Variants in MYO5B observed in about 807,000 individuals in gnomAD.
MYO5B encodes the protein unconventional myosin-Vb.
MYO5B carries 143 observed loss-of-function variants against 229.3 expected under a neutral mutation model. The ratio of observed to expected loss-of-function variants is 0.62; its 90% CI spans 0.54 to 0.72. The LOEUF (loss-of-function observed/expected upper bound fraction) is 0.72. Among genes scored for constraint, MYO5B ranks in the 30% least tolerant of loss-of-function variants. The pLI is 0.00. For synonymous variants in MYO5B, 918 were observed against 885.2 expected (o/e 1.04, Z -0.66); for missense variants, 2,321 against 2,331.0 (o/e 1.00, Z 0.09).
At chr18:50,066,043 G>C (rs1281953272) in intron 1 of MYO5B, among the ~76,000 whole-genome samples, 1 of 152,064 alleles carries the variant, frequency 6.6e-6, no homozygotes, top group Admixed American at 6.6e-5. Flanking sequence ...AGGTTCTTGG[G>C]GGTCACATTA....
intron 10 of MYO5B, among the ~76,000 whole-genome samples, chr18:49,965,455 T>TCACACACACACACACACACACA (rs57101973): frequency 2.9e-4 from 42 of 147,212 alleles, no homozygotes; most frequent in African/African-American, 1.0e-3. Context: ...ACACTTCTTT[T>TCACACACACACACACACACACA]CACACACACA....
At chr18:49,867,299 G>A (rs1281621021) in intron 27 of MYO5B, among the ~76,000 whole-genome samples, 2 of 152,226 alleles carry the variant, frequency 1.3e-5, no homozygotes, top group African/African-American at 4.8e-5. Context: ...AAGTCTAGAT[G>A]CTTGGGTGAC....
intron 1 of MYO5B, among the ~76,000 whole-genome samples, chr18:50,104,730 C>G (rs16951535): frequency 0.038 from 5,737 of 152,264 alleles, 359 homozygotes; most frequent in African/African-American, 0.13. Flanking sequence ...AGCCTTTTCC[C>G]TAAGTTTGAA....
At chr18:50,042,520 C>A (rs2030050540) in intron 2 of MYO5B, among the ~76,000 whole-genome samples, 2 of 151,994 alleles carry the variant, frequency 1.3e-5, no homozygotes, top group South Asian at 2.1e-4. Context: ...ATACAGGAAA[C>A]CAGTGAACAA....
intron 1 of MYO5B, among the ~76,000 whole-genome samples, chr18:50,161,601 A>T (rs2032767742): frequency 6.6e-6 from 1 of 152,226 alleles, no homozygotes; most frequent in African/African-American, 2.4e-5. Context: ...GACAACATGC[A>T]GCCCGACCCT....
chr18:50,043,292 T>C (rs1433432586), intron 2 of MYO5B, among the ~76,000 whole-genome samples: 2 of 82,784 alleles, frequency 2.4e-5, no homozygotes, highest in African/African-American at 9.6e-5. Context: ...ATTTATATAT[T>C]ATATATAATA....
chr18:49,907,477 G>A (rs2024912377), intron 18 of MYO5B, among the ~76,000 whole-genome samples: 1 of 152,210 alleles, frequency 6.6e-6, no homozygotes, highest in African/African-American at 2.4e-5. Flanking sequence ...CAGGGTTCCT[G>A]TGGACAAGCC....
intron 27 of MYO5B, among the ~76,000 whole-genome samples, chr18:49,867,322 TTG>T (rs1159756813): frequency 6.6e-6 from 1 of 152,162 alleles, no homozygotes; most frequent in Non-Finnish European, 1.5e-5. Context: ...GTGTCATCTA[TTG>T]AGACAAGATG....
At chr18:49,882,612 T>C (rs1021493853) in intron 22 of MYO5B, among the ~76,000 whole-genome samples, 6 of 70,666 alleles carry the variant, frequency 8.5e-5, no homozygotes, top group African/African-American at 3.7e-4. Flanking sequence ...TGGCAACAGA[T>C]CAAGAAATCA....
At chr18:50,081,666 G>A (rs1335802524) in intron 1 of MYO5B, among the ~76,000 whole-genome samples, 2 of 152,140 alleles carry the variant, frequency 1.3e-5, no homozygotes, top group Non-Finnish European at 2.9e-5. Flanking sequence ...AGGCTTATAT[G>A]GGGACAAAAG....
At chr18:50,064,915 A>G (rs1278030681) in intron 1 of MYO5B, among the ~76,000 whole-genome samples, 1 of 152,222 alleles carries the variant, frequency 6.6e-6, no homozygotes, top group African/African-American at 2.4e-5. Flanking sequence ...AATTATTAAG[A>G]GAAAGCATAG....
intron 2 of MYO5B, among the ~76,000 whole-genome samples, chr18:50,047,386 T>G (rs957211510): frequency 4.9e-4 from 75 of 152,090 alleles, no homozygotes; most frequent in Non-Finnish European, 8.7e-4. Context: ...AAAACCACAA[T>G]GAGATACCAT....
chr18:50,087,387 G>A (rs571286588), intron 1 of MYO5B, among the ~76,000 whole-genome samples: 67 of 151,912 alleles, frequency 4.4e-4, no homozygotes, highest in Admixed American at 1.1e-3. Flanking sequence ...TGGCTAACAC[G>A]GTGAAACCCC....
At chr18:50,194,695 C>T in intron 1 of MYO5B, 72 bp downstream of exon 1, 3 of 1,129,128 alleles carry the variant, frequency 2.7e-6, no homozygotes, top group South Asian at 1.4e-5. Context: ...AGGGAGAAGG[C>T]GACCCTGAGT....
chr18:50,102,343 C>T (rs2031671891), intron 1 of MYO5B, among the ~76,000 whole-genome samples: 1 of 151,568 alleles, frequency 6.6e-6, no homozygotes, highest in Non-Finnish European at 1.5e-5. Flanking sequence ...CATACATATC[C>T]TACCCAGAAC....
At chr18:50,185,801 C>T (rs989772741) in intron 1 of MYO5B, among the ~76,000 whole-genome samples, 4 of 152,152 alleles carry the variant, frequency 2.6e-5, no homozygotes, top group Admixed American at 1.3e-4. Flanking sequence ...GAAAAAATTA[C>T]AGTACATCCA....
At chr18:49,896,422 T>C (rs1003632372) in intron 21 of MYO5B, among the ~76,000 whole-genome samples, 1 of 152,170 alleles carries the variant, frequency 6.6e-6, no homozygotes, top group Admixed American at 6.5e-5. Context: ...ACGTCTGTAT[T>C]ATCCACTCCA....
intron 1 of MYO5B, among the ~76,000 whole-genome samples, chr18:50,107,603 C>A (rs2031785786): frequency 6.6e-6 from 1 of 152,192 alleles, no homozygotes; most frequent in South Asian, 2.1e-4. Context: ...GCTCCAGCCA[C>A]ACAGCCATTT....
rs1037235612 is a variant in MYO5B, at chr18:49,826,222, T to C, written c.*249A>G. The C allele has an allele frequency of 1.6e-5, 8 of 489,890 alleles. No individual in the cohort carries two copies. The highest frequency in any genetic ancestry group is 2.6e-5 in the Non-Finnish European group (7 of 269,524). The allele number at this position is 489,890 out of a possible 1,614,324, so 30.3% of individuals were successfully genotyped here. ...GGGACTGCTTGGTGTCTATAAATTA[T>C]GTATATGTGTTGGACTGAAATCAAA... On this transcript the variant is annotated 3_prime_UTR_variant, in exon 40 of 40. Coordinates refer to ENST00000285039, the MANE Select transcript of MYO5B (RefSeq NM_001080467.3).
Sources: allele counts gnomAD v4.1 joint callset (sites outside exome capture counted in the v4.1 genomes callset), GRCh38; gene constraint gnomAD v4.1.1; transcripts MANE v1.5; gene names NCBI Gene and HGNC (gene_info 2026-07-23, HGNC 2026-07-21).